Variants in CILK1 observed in about 807,000 individuals in gnomAD.
CILK1 encodes serine/threonine-protein kinase ICK.
A neutral mutation model predicts 79.2 loss-of-function variants in CILK1; 47 were observed. That is an observed-to-expected ratio of 0.59 (90% CI 0.47 to 0.76). The LOEUF (loss-of-function observed/expected upper bound fraction) is 0.76, where lower values mean the gene tolerates loss of function less well. CILK1 is among the 30% of genes least tolerant of loss of function. CILK1 has a pLI of 0.00. For missense variants in CILK1, 660 were observed against 769.5 expected (o/e 0.86, Z 1.68); for synonymous variants, 266 against 275.9 (o/e 0.96, Z 0.36).
chr6:53,057,387 T>C (rs1005980649), intron 1 of CILK1, among the ~76,000 whole-genome samples: 1 of 152,174 alleles, frequency 6.6e-6, no homozygotes, highest in Non-Finnish European at 1.5e-5. Flanking sequence ...CTTGACATGG[T>C]GGGAAAAGCA....
At chr6:53,021,251 C>T (rs760204428) in intron 5 of CILK1, among the ~76,000 whole-genome samples, 55 of 143,174 alleles carry the variant, frequency 3.8e-4, no homozygotes, top group Non-Finnish European at 6.2e-4. Flanking sequence ...CTTGAACCTG[C>T]GAGGTGGAGG....
rs1225469378 is a variant in CILK1 at position 53,010,557 on chromosome 6, C to T, written c.1493-990G>A. Among the ~76,000 whole-genome samples the T allele has an allele frequency of 3.9e-5, 6 of 152,348 alleles. No individual in the cohort carries two copies. The South Asian group carries it at 1.2e-3, about 32-fold the overall frequency. ...GGCCCCAAAAATGCCTCATACTACACATTACGTCACCTCCTTTCTCACTAT... is the reference window on the plus strand; with the variant it reads ...GGCCCCAAAAATGCCTCATACTACATATTACGTCACCTCCTTTCTCACTAT... On this transcript the variant is annotated intron_variant, in intron 11 of 13. Transcript: ENST00000676107.
At chr6:53,024,774 T>C (rs1006079668) in intron 5 of CILK1, among the ~76,000 whole-genome samples, 1 of 151,690 alleles carries the variant, frequency 6.6e-6, no homozygotes, top group Non-Finnish European at 1.5e-5. Context: ...CACCAAGAAA[T>C]GTGTCATAGC....
intron 1 of CILK1, among the ~76,000 whole-genome samples, chr6:53,045,060 C>G (rs932731362): frequency 2.6e-5 from 4 of 152,154 alleles, no homozygotes; most frequent in Non-Finnish European, 5.9e-5. Flanking sequence ...TTTCAATTAT[C>G]CCTAAAATGG....
At chr6:53,041,865 C>T (rs1766734757) in intron 1 of CILK1, among the ~76,000 whole-genome samples, 1 of 152,076 alleles carries the variant, frequency 6.6e-6, no homozygotes, top group African/African-American at 2.4e-5. Flanking sequence ...CTCTGACCAC[C>T]CACGATCGTA....
chr6:53,054,632 C>T (rs1402239715), intron 1 of CILK1: 3 of 152,406 alleles, frequency 2.0e-5, no homozygotes, highest in Non-Finnish European at 4.4e-5. Flanking sequence ...GACTGAGTCT[C>T]AGAGGATCAC....
intron 1 of CILK1, among the ~76,000 whole-genome samples, chr6:53,047,279 G>A (rs1767145310): frequency 1.3e-5 from 2 of 151,960 alleles, no homozygotes; most frequent in South Asian, 4.1e-4. Flanking sequence ...ACGAGTATGT[G>A]TGTCATGCAG....
chr6:53,013,942 C>T lies in CILK1; in HGVS notation c.872G>A (p.Gly291Asp). Residue 291 changes from glycine to aspartate, a missense_variant, in exon 9 of 14, where the codon GGC becomes GAC. Physicochemically the swap from Gly to Asp is moderately conservative, Grantham distance 94. Coordinates refer to ENST00000676107, the MANE Select transcript of CILK1 (RefSeq NM_014920.5). ...ATCCTGAAGGTTTTGTGTGGTGCTG[C>T]CTAGTGGGTGTCCAACTTGGAAGTA... is the stretch of plus-strand genomic sequence containing the variant. ...YPYFQVGHPL[G>D]STTQNLQDSE... 1 of 1,613,986 alleles carries T rather than the reference C, an allele frequency of 6.2e-7. No individual in the cohort carries two copies. The highest frequency in any genetic ancestry group is 8.5e-7 in the Non-Finnish European group (1 of 1,179,978).
At chr6:53,014,228 A>G (rs1484172471) in intron 8 of CILK1, among the ~76,000 whole-genome samples, 1 of 152,224 alleles carries the variant, frequency 6.6e-6, no homozygotes, top group Non-Finnish European at 1.5e-5. Flanking sequence ...TACCCTGGCT[A>G]CTTCTAAAAA....
intron 5 of CILK1, among the ~76,000 whole-genome samples, chr6:53,027,575 T>C (rs568197769): frequency 3.9e-5 from 6 of 152,258 alleles, no homozygotes; most frequent in Admixed American, 6.5e-5. Context: ...GAAATTTACA[T>C]GACTAATCTT....
chr6:53,006,549 GA>G (rs1764232943), intron 12 of CILK1, 112 bp from the exon 13 acceptor site: 1 of 1,199,464 alleles, frequency 8.3e-7, no homozygotes, highest in Non-Finnish European at 1.2e-6. Flanking sequence ...TACTTTTAGG[GA>G]AAAGAGCAAA....
chr6:53,019,036 TTC>T (rs1191584136), intron 6 of CILK1, among the ~76,000 whole-genome samples, 189 bp downstream of exon 6: 1 of 152,228 alleles, frequency 6.6e-6, no homozygotes, highest in Non-Finnish European at 1.5e-5. Context: ...ATAATAGGTT[TTC>T]TTTTAACATG....
At chr6:53,035,620 C>T (rs940630333) in intron 3 of CILK1, among the ~76,000 whole-genome samples, 1 of 152,138 alleles carries the variant, frequency 6.6e-6, no homozygotes, top group African/African-American at 2.4e-5. Flanking sequence ...TCTTCATGGG[C>T]AGACATGCAA....
chr6:53,057,968 C>T (rs1054797638), intron 1 of CILK1: 2 of 152,188 alleles, frequency 1.3e-5, no homozygotes, highest in African/African-American at 4.8e-5. Context: ...TGAAGATGTG[C>T]TATCCTCAAA....
intron 12 of CILK1, among the ~76,000 whole-genome samples, chr6:53,008,852 C>T (rs1764393481): frequency 1.3e-5 from 2 of 152,136 alleles, no homozygotes; most frequent in Non-Finnish European, 1.5e-5. Flanking sequence ...CTTGGCAGTG[C>T]AGAGGGGAAA....
At chr6:53,033,179 T>C (rs1199505936) in intron 3 of CILK1, among the ~76,000 whole-genome samples, 17 of 152,172 alleles carry the variant, frequency 1.1e-4, no homozygotes, top group Admixed American at 1.1e-3. Context: ...GCACTCCTTC[T>C]TACAATGTGA....
rs1462560164 is a variant in CILK1, at chr6:53,002,630, C to T, written c.*2519G>A. On this transcript the variant is annotated 3_prime_UTR_variant, in exon 14 of 14. Transcript: ENST00000676107. ...TCAGAGAAGGGGAGGAAGAGTAATT[C>T]ACAGCATTTGCTAGTTAAAATTTGT... 6.6e-6 allele frequency: 1 copy of T among 152,176 alleles called. No individual in the cohort carries two copies. The highest frequency in any genetic ancestry group is 2.4e-5 in the African/African-American group (1 of 41,440). The allele number at this position is 152,176 out of a possible 1,614,324, so 9.4% of individuals were successfully genotyped here.
intron 1 of CILK1, among the ~76,000 whole-genome samples, chr6:53,043,805 T>C (rs1339585394): frequency 6.6e-6 from 1 of 152,190 alleles, no homozygotes; most frequent in East Asian, 1.9e-4. Flanking sequence ...GAATACAAAC[T>C]AAGATATTTC....
Position 53,001,523 on chromosome 6 carries a change from T to C in CILK1, c.*3626A>G, listed in dbSNP as rs543566763. The C allele has an allele frequency of 3.9e-5, 6 of 152,794 alleles. No homozygotes were observed. Among genetic ancestry groups the C allele is most frequent in the East Asian group, 1.9e-4 (1 of 5,188 alleles). 9.5% of individuals were successfully genotyped at this position (152,794 alleles called of 1,614,324 possible). A position where few individuals can be genotyped will look rare whatever the true frequency, so the allele number is the denominator to read the frequency against. ...CATTGTAATCAAATCAGCTGACTAA[T>C]TGCTATCTGTACTGAGTTATCTGAG... On this transcript the variant is annotated 3_prime_UTR_variant, in exon 14 of 14. Transcript: ENST00000676107.
Sources: gnomAD v4.1 joint callset for allele counts (sites outside exome capture counted in the v4.1 genomes callset) on GRCh38, gnomAD v4.1.1 for gene constraint, MANE v1.5 for transcripts, NCBI Gene and HGNC (gene_info 2026-07-23, HGNC 2026-07-21) for gene names.